The following KPNA3 variants were observed in gnomAD, a reference collection of about 807,000 sequenced individuals.
KPNA3 encodes the protein importin subunit alpha-4.
In KPNA3, 13 loss-of-function variants were observed where a neutral mutation model predicts 73.8. The observed-to-expected ratio is 0.18, with a 90% CI of 0.11 to 0.28. The LOEUF (loss-of-function observed/expected upper bound fraction) is 0.28, where lower values mean the gene tolerates loss of function less well. Ranked by LOEUF, KPNA3 falls within the 10% of genes least tolerant of loss-of-function variation. The pLI is 1.00. For synonymous variants in KPNA3, 186 were observed against 206.9 expected (o/e 0.90, Z 0.87); for missense variants, 360 against 618.1 (o/e 0.58, Z 4.43).
intron 7 of KPNA3, 148 bp downstream of exon 7, chr13:49,725,268 G>A (rs1245630399): frequency 9.2e-6 from 4 of 433,476 alleles, no homozygotes; most frequent in African/African-American, 4.1e-5. Context: ...AATTAATGAC[G>A]GCTATGAAAA....
intron 2 of KPNA3, among the ~76,000 whole-genome samples, chr13:49,746,158 T>A (rs1337205239): frequency 1.3e-5 from 2 of 151,926 alleles, no homozygotes. Flanking sequence ...AAATAAAATG[T>A]GTTCACATGA....
chr13:49,758,399 G>A (rs1016249658), intron 1 of KPNA3, among the ~76,000 whole-genome samples: 2 of 152,058 alleles, frequency 1.3e-5, no homozygotes, highest in Non-Finnish European at 2.9e-5. Flanking sequence ...TTTCAACACA[G>A]CAATTTAACC....
intron 10 of KPNA3, among the ~76,000 whole-genome samples, chr13:49,718,892 CAATGAT>C (rs1954329323): frequency 6.6e-6 from 1 of 151,952 alleles, no homozygotes; most frequent in Non-Finnish European, 1.5e-5. Context: ...TTCTTTGTCC[CAATGAT>C]AAATTACACA....
chr13:49,742,986 T>C (rs1193066334), intron 2 of KPNA3, among the ~76,000 whole-genome samples: 1 of 150,010 alleles, frequency 6.7e-6, no homozygotes, highest in Non-Finnish European at 1.5e-5. Context: ...AGCCACAATG[T>C]GATTAGGCAT....
intron 6 of KPNA3, among the ~76,000 whole-genome samples, chr13:49,730,600 T>C (rs1954456652): frequency 2.7e-5 from 4 of 148,164 alleles, no homozygotes. Flanking sequence ...TAGAACTTAT[T>C]TATTTATTTA....
intron 2 of KPNA3, among the ~76,000 whole-genome samples, chr13:49,742,288 CCTTT>C (rs1385279983): frequency 6.6e-6 from 1 of 152,068 alleles, no homozygotes; most frequent in Non-Finnish European, 1.5e-5. Context: ...CTTAGACACC[CCTTT>C]CTTTTTTTCT....
chr13:49,732,001 T>C (rs1350459973), intron 6 of KPNA3, among the ~76,000 whole-genome samples: 3 of 152,220 alleles, frequency 2.0e-5, no homozygotes, highest in East Asian at 1.9e-4. Flanking sequence ...ACCATCCATG[T>C]TGACTTAGTC....
At chr13:49,771,622 A>C (rs931682423) in intron 1 of KPNA3, among the ~76,000 whole-genome samples, 1 of 151,780 alleles carries the variant, frequency 6.6e-6, no homozygotes, top group African/African-American at 2.4e-5. Flanking sequence ...AGCTTTTTAA[A>C]TTTTTGATTT....
At chr13:49,725,358 TCTA>T (rs1954399495) in intron 7 of KPNA3, 55 bp downstream of exon 7, 4 of 923,588 alleles carry the variant, frequency 4.3e-6, no homozygotes, top group South Asian at 1.8e-5. Context: ...ATTACAAAAC[TCTA>T]CTTCCTTGCC....
At chr13:49,780,346 T>C (rs146694200) in intron 1 of KPNA3, among the ~76,000 whole-genome samples, 2 of 152,160 alleles carry the variant, frequency 1.3e-5, no homozygotes, top group South Asian at 2.1e-4. Flanking sequence ...AAAAATATTA[T>C]GGCTCTTTAC....
intron 1 of KPNA3, among the ~76,000 whole-genome samples, chr13:49,760,714 C>A (rs996827634): frequency 6.6e-6 from 1 of 152,104 alleles, no homozygotes; most frequent in Non-Finnish European, 1.5e-5. Flanking sequence ...AAAACCCGGG[C>A]GGTCAGGCAT....
chr13:49,722,940 T>C (rs551185215), intron 7 of KPNA3, among the ~76,000 whole-genome samples: 2 of 151,706 alleles, frequency 1.3e-5, no homozygotes, highest in African/African-American at 4.8e-5. Flanking sequence ...ACCAAAGAAC[T>C]GATTAATCTC....
Position 49,792,563 on chromosome 13 carries a change from A to G in KPNA3, c.-57T>C. On this transcript the variant is annotated 5_prime_UTR_variant, in exon 1 of 17. Transcript: ENST00000261667. ...TGCGGCTGCGGCGGCGGCGGCGGCG[A>G]ATCTTGGAGCGGGAGGGGGAGGAGG... 3 of 804,186 alleles carry G rather than the reference A, an allele frequency of 3.7e-6. No individual in the cohort carries two copies. Among genetic ancestry groups the G allele is most frequent in the Non-Finnish European group, 5.5e-6 (3 of 542,742 alleles). The allele number at this position is 804,186 out of a possible 1,614,324, so 49.8% of individuals were successfully genotyped here.
chr13:49,764,273 C>T (rs1954792336), intron 1 of KPNA3, among the ~76,000 whole-genome samples: 1 of 152,030 alleles, frequency 6.6e-6, no homozygotes, highest in Admixed American at 6.5e-5. Flanking sequence ...TTTCAATTCT[C>T]ACTCCAAAAG....
chr13:49,714,529 C>A (rs1954287874), intron 10 of KPNA3, among the ~76,000 whole-genome samples: 2 of 152,062 alleles, frequency 1.3e-5, no homozygotes, highest in Admixed American at 1.3e-4. Context: ...AACAAGCCAA[C>A]TTCCATATCA....
intron 15 of KPNA3, among the ~76,000 whole-genome samples, chr13:49,703,000 C>G (rs1954162392): frequency 6.6e-6 from 1 of 151,796 alleles, no homozygotes; most frequent in African/African-American, 2.4e-5. Context: ...TCCCAAGTAG[C>G]TGGGACTACA....
At chr13:49,775,873 C>T (rs995192247) in intron 1 of KPNA3, among the ~76,000 whole-genome samples, 2 of 152,224 alleles carry the variant, frequency 1.3e-5, no homozygotes, top group Non-Finnish European at 1.5e-5. Flanking sequence ...AGTGACAATG[C>T]TTTTTGTACT....
chr13:49,719,468 T>TA (rs1954335003), intron 10 of KPNA3, among the ~76,000 whole-genome samples: 1 of 152,140 alleles, frequency 6.6e-6, no homozygotes, highest in Non-Finnish European at 1.5e-5. Flanking sequence ...AGATTTTTTT[T>TA]AAAAAGTAAG....
chr13:49,779,018 T>C (rs1310191698), intron 1 of KPNA3, among the ~76,000 whole-genome samples: 2 of 152,202 alleles, frequency 1.3e-5, no homozygotes, highest in East Asian at 3.8e-4. Flanking sequence ...ACAACATTCA[T>C]TATTTTTCTA....
Sources: allele counts gnomAD v4.1 joint callset (sites outside exome capture counted in the v4.1 genomes callset), GRCh38; gene constraint gnomAD v4.1.1; transcripts MANE v1.5; gene names NCBI Gene and HGNC (gene_info 2026-07-23, HGNC 2026-07-21).